Variants in TCF7L2 observed in about 807,000 individuals in gnomAD.
TCF7L2 encodes the protein transcription factor 7-like 2.
Under a neutral mutation model 77.9 loss-of-function variants are expected in TCF7L2, and 23 were observed. The ratio of observed to expected loss-of-function variants is 0.30; its 90% CI spans 0.21 to 0.42. TCF7L2 has a LOEUF of 0.42. TCF7L2 is among the 10% of genes least tolerant of loss of function. TCF7L2 has a pLI of 1.00. For synonymous variants in TCF7L2, 413 were observed against 340.2 expected (o/e 1.21, Z -2.36); for missense variants, 654 against 793.1 (o/e 0.82, Z 2.11).
At chr10:113,026,774 C>T (rs928269831) in intron 4 of TCF7L2, among the ~76,000 whole-genome samples, 2 of 152,168 alleles carry the variant, frequency 1.3e-5, no homozygotes, top group Admixed American at 6.5e-5. Context: ...TGGAGATGGC[C>T]AGGTTCTGTG....
chr10:113,111,978 T>G (rs2136111544), intron 5 of TCF7L2, among the ~76,000 whole-genome samples: 1 of 152,130 alleles, frequency 6.6e-6, no homozygotes, highest in African/African-American at 2.4e-5. Context: ...AACAAGATGG[T>G]TTTGAAAAAA....
intron 5 of TCF7L2, among the ~76,000 whole-genome samples, chr10:113,068,522 C>T (rs1286090389): frequency 2.0e-5 from 3 of 152,142 alleles, no homozygotes; most frequent in African/African-American, 7.2e-5. Context: ...CCTGCCATGC[C>T]ATGGCAGCTG....
chr10:113,022,285 G>T (rs1213345365), intron 4 of TCF7L2, among the ~76,000 whole-genome samples: 1 of 152,172 alleles, frequency 6.6e-6, no homozygotes, highest in Non-Finnish European at 1.5e-5. Flanking sequence ...CTGTGTGTCC[G>T]CTGTGGGCAG....
rs780234613 is a variant in TCF7L2, at chr10:113,165,840, C to T, written c.1677C>T (p.Pro559=). The T allele has an allele frequency of 6.2e-6, 10 of 1,607,482 alleles. No homozygotes were observed. Among genetic ancestry groups the T allele is most frequent in the Admixed American group, 1.7e-5 (1 of 59,270 alleles). Residue 559 remains proline (P), a synonymous_variant, in exon 14 of 14, where the codon CCC becomes CCT. Transcript: ENST00000627217. ...GTCCCAACGGGGCCCTGGACCTGCC[C>T]CCAGCCGCTTTGCAGCCTGCCGCCC... is the stretch of plus-strand genomic sequence containing the variant.
At chr10:113,097,660 A>ACAAAAAAAAAAAACAAAC (rs2061173929) in intron 5 of TCF7L2, among the ~76,000 whole-genome samples, 1 of 143,364 alleles carries the variant, frequency 7.0e-6, no homozygotes, top group African/African-American at 2.5e-5. Context: ...AAAAAAAAAA[A>ACAAAAAAAAAAAACAAAC]AAAAAAAAAA....
chr10:113,139,393 G>A (rs985098317), intron 5 of TCF7L2, among the ~76,000 whole-genome samples: 3 of 152,198 alleles, frequency 2.0e-5, no homozygotes, highest in African/African-American at 7.2e-5. Flanking sequence ...CTGTCCTTGA[G>A]GTGCCCAGCA....
At chr10:112,967,947 A>T (rs374754064) in intron 4 of TCF7L2, among the ~76,000 whole-genome samples, 7 of 152,322 alleles carry the variant, frequency 4.6e-5, no homozygotes, top group African/African-American at 1.7e-4. Context: ...AAATTAAAAG[A>T]TCTTTTAGAA....
At chr10:113,035,023 C>G (rs2134153777) in intron 4 of TCF7L2, among the ~76,000 whole-genome samples, 1 of 149,638 alleles carries the variant, frequency 6.7e-6, no homozygotes, top group Admixed American at 6.8e-5. Flanking sequence ...TTTCTTTTCT[C>G]TCTTTCTCTC....
intron 4 of TCF7L2, among the ~76,000 whole-genome samples, chr10:113,037,651 C>T (rs150721451): frequency 4.6e-5 from 7 of 152,240 alleles, no homozygotes; most frequent in Admixed American, 1.3e-4. Flanking sequence ...TATGACAGTT[C>T]TTGGGTGGGT....
intron 4 of TCF7L2, among the ~76,000 whole-genome samples, chr10:113,005,449 C>G (rs1205560376): frequency 2.0e-5 from 3 of 152,166 alleles, no homozygotes; most frequent in African/African-American, 7.2e-5. Context: ...AAGTCCTTTT[C>G]TACTCTGAGG....
chr10:113,021,877 G>T (rs530397651), intron 4 of TCF7L2, among the ~76,000 whole-genome samples: 1 of 152,332 alleles, frequency 6.6e-6, no homozygotes, highest in African/African-American at 2.4e-5. Context: ...AGAGGCTGGC[G>T]ATGGTCCCGA....
At chr10:113,101,692 A>C (rs1190109248) in intron 5 of TCF7L2, among the ~76,000 whole-genome samples, 1 of 151,082 alleles carries the variant, frequency 6.6e-6, no homozygotes, top group African/African-American at 2.4e-5. Context: ...AAATACAAAA[A>C]ATTAGCTGGG....
intron 5 of TCF7L2, among the ~76,000 whole-genome samples, chr10:113,089,840 T>TGAG (rs895937782): frequency 1.3e-5 from 2 of 152,140 alleles, no homozygotes; most frequent in African/African-American, 4.8e-5. Flanking sequence ...TCTGTGAAAA[T>TGAG]GAGGAGCACA....
chr10:113,036,978 T>G (rs1390436327), intron 4 of TCF7L2, among the ~76,000 whole-genome samples: 2 of 152,056 alleles, frequency 1.3e-5, no homozygotes, highest in Admixed American at 1.3e-4. Flanking sequence ...AGATGCCCCC[T>G]CCTTTAGGTC....
At chr10:113,115,791 A>G (rs1384430185) in intron 5 of TCF7L2, among the ~76,000 whole-genome samples, 1 of 152,024 alleles carries the variant, frequency 6.6e-6, no homozygotes, top group Admixed American at 6.6e-5. Flanking sequence ...ACTACCGACC[A>G]TCCCGTCCAC....
intron 4 of TCF7L2, among the ~76,000 whole-genome samples, chr10:113,034,200 C>T (rs962860404): frequency 1.1e-4 from 16 of 152,220 alleles, no homozygotes; most frequent in Middle Eastern, 6.8e-3. Flanking sequence ...AATAAGTGTC[C>T]GCTATTGGGT....
chr10:113,050,136 G>A (rs2054164429), intron 5 of TCF7L2, among the ~76,000 whole-genome samples: 1 of 152,170 alleles, frequency 6.6e-6, no homozygotes, highest in African/African-American at 2.4e-5. Context: ...ATCCTGGACC[G>A]TGATTAAGTG....
intron 5 of TCF7L2, among the ~76,000 whole-genome samples, chr10:113,111,906 T>A (rs1188040415): frequency 1.3e-5 from 2 of 152,232 alleles, no homozygotes; most frequent in African/African-American, 4.8e-5. Context: ...GCTGTTTTCA[T>A]GTGAGACTTA....
At chr10:113,007,549 T>C (rs1329804350) in intron 4 of TCF7L2, among the ~76,000 whole-genome samples, 1 of 152,226 alleles carries the variant, frequency 6.6e-6, no homozygotes, top group African/African-American at 2.4e-5. Context: ...GTTAATAGCT[T>C]GACTGAAGGT....
Sources: gnomAD v4.1 joint callset for allele counts (sites outside exome capture counted in the v4.1 genomes callset) on GRCh38, gnomAD v4.1.1 for gene constraint, MANE v1.5 for transcripts, NCBI Gene and HGNC (gene_info 2026-07-23, HGNC 2026-07-21) for gene names.